PHC3: variants seen among roughly 807,000 people sequenced by gnomAD.
PHC3 encodes the protein polyhomeotic-like protein 3.
Under a neutral mutation model 107.4 loss-of-function variants are expected in PHC3, and 13 were observed. That is an observed-to-expected ratio of 0.12 (90% confidence interval 0.08 to 0.19). The LOEUF is 0.19. PHC3 is among the 10% of genes least tolerant of loss of function. PHC3 has a pLI of 1.00. For synonymous variants in PHC3, 456 were observed against 427.4 expected (o/e 1.07, Z -0.83); for missense variants, 992 against 1,210.9 (o/e 0.82, Z 2.68).
chr3:170,154,212 TATTAA>T (rs1388413646), intron 4 of PHC3, among the ~76,000 whole-genome samples: 35 of 152,246 alleles, frequency 2.3e-4, no homozygotes, highest in African/African-American at 8.4e-4. Context: ...TCAATAAGCT[TATTAA>T]GTTAATTAAT....
intron 12 of PHC3, among the ~76,000 whole-genome samples, chr3:170,105,191 C>T (rs1259119965): frequency 6.6e-6 from 1 of 152,134 alleles, no homozygotes. Flanking sequence ...AAAGGGAGTC[C>T]TTTCCCCAAA....
intron 11 of PHC3, among the ~76,000 whole-genome samples, chr3:170,109,493 T>C (rs1425990239): frequency 6.6e-6 from 1 of 152,194 alleles, no homozygotes; most frequent in Non-Finnish European, 1.5e-5. Flanking sequence ...CCTGGACTGA[T>C]CTTTGGGTTA....
At chr3:170,149,295 T>C (rs1725514228) in intron 4 of PHC3, 51 bp from the exon 5 acceptor site, 2 of 1,536,646 alleles carry the variant, frequency 1.3e-6, no homozygotes, top group Admixed American at 2.0e-5. Context: ...TGCTTCCATG[T>C]TACTGAATTT....
rs545255686 is a variant in PHC3, at chr3:170,148,904, T to A, written c.573+182A>T. 2.3e-4 allele frequency: 125 copies of A among 534,926 alleles called. 1 individual carries two copies. The highest frequency in any genetic ancestry group is 2.1e-3 in the African/African-American group (115 of 53,508). The allele number at this position is 534,926 out of a possible 1,614,324, so 33.1% of individuals were successfully genotyped here. On this transcript the variant is annotated intron_variant, in intron 5 of 14. Coordinates refer to ENST00000495893, the MANE Select transcript of PHC3 (RefSeq NM_024947.4). ...TACTATTTGATACCAAGAAGACCTA[T>A]TAATTAAAAGTAGAATCTTTCATGA... is the stretch of plus-strand genomic sequence containing the variant.
In PHC3 at chr3:170,136,458, C is replaced by T. The variant is rs1456155295; in HGVS notation, c.880G>A (p.Val294Ile). The stretch of plus-strand genomic sequence containing the variant: ...TGGTGAATACTTGATGTCCGGGTGA[C>T]AGCTGTGCTTCGTGATTCCAGGCTT... ...SPSLESRSTAVTRTSSIHQLI... is the reference protein window; with the variant it reads ...SPSLESRSTAITRTSSIHQLI... The change falls in exon 7 of 15, where the codon GTC becomes ATC. Residue 294 changes from valine to isoleucine, a missense_variant. Coordinates refer to ENST00000495893, the MANE Select transcript of PHC3 (RefSeq NM_024947.4). The T allele has an allele frequency of 6.2e-7, 1 of 1,605,342 alleles. No individual in the cohort carries two copies. Among genetic ancestry groups the T allele is most frequent in the East Asian group, 2.2e-5 (1 of 44,836 alleles).
chr3:170,102,329 C>T, intron 14 of PHC3, 150 bp downstream of exon 14: 2 of 1,448,246 alleles, frequency 1.4e-6, no homozygotes, highest in East Asian at 2.5e-5. Flanking sequence ...CAAGAGGAAA[C>T]AGATCATATT....
At chr3:170,174,741 C>T (rs1271321687) in intron 2 of PHC3, among the ~76,000 whole-genome samples, 1 of 152,204 alleles carries the variant, frequency 6.6e-6, no homozygotes, top group Non-Finnish European at 1.5e-5. Flanking sequence ...ACCTCTCCAA[C>T]TATAGACTAC....
chr3:170,156,586 C>A (rs1487262263), intron 4 of PHC3, among the ~76,000 whole-genome samples: 1 of 150,148 alleles, frequency 6.7e-6, no homozygotes, highest in Non-Finnish European at 1.5e-5. Flanking sequence ...GAAGAATTTT[C>A]TTTTTAAGAG....
intron 4 of PHC3, among the ~76,000 whole-genome samples, chr3:170,164,812 A>C (rs1728468896): frequency 6.6e-6 from 1 of 152,212 alleles, no homozygotes; most frequent in Non-Finnish European, 1.5e-5. Flanking sequence ...CCAAAGGACC[A>C]GGAAGGGCAC....
intron 4 of PHC3, among the ~76,000 whole-genome samples, chr3:170,168,080 T>C (rs1213849568): frequency 6.6e-6 from 1 of 152,074 alleles, no homozygotes; most frequent in Non-Finnish European, 1.5e-5. Context: ...GAGGATCACT[T>C]GAGCCTGGGA....
chr3:170,089,440 T>TTTAC lies in PHC3; in HGVS notation c.*7786_*7789dup, dbSNP rs1177170056. ...CCGTTCTACATTTAAAGGATGCCCT[T>TTTAC]TTACTATATATGTGCTTTCTAGAAT... On this transcript the variant is annotated 3_prime_UTR_variant, in exon 15 of 15. Transcript: ENST00000495893. The TTTAC allele has an allele frequency of 1.3e-5, 2 of 152,226 alleles. No individual in the cohort carries two copies. The highest frequency in any genetic ancestry group is 1.3e-4 in the Admixed American group (2 of 15,290). 9.4% of individuals were successfully genotyped at this position (152,226 alleles called of 1,614,324 possible). A position where few individuals can be genotyped will look rare whatever the true frequency, so the allele number is the denominator to read the frequency against.
intron 4 of PHC3, among the ~76,000 whole-genome samples, chr3:170,168,753 C>CAAAAAAAAAA: frequency 1.3e-5 from 1 of 77,082 alleles, no homozygotes; most frequent in Non-Finnish European, 2.5e-5. Context: ...GACTCCGTCT[C>CAAAAAAAAAA]AAAAAAAAAA....
At chr3:170,137,934 C>T (rs972322193) in intron 6 of PHC3, among the ~76,000 whole-genome samples, 1 of 152,030 alleles carries the variant, frequency 6.6e-6, no homozygotes, top group Admixed American at 6.5e-5. Context: ...GGGTGTGGTG[C>T]CTCGCACCTG....
intron 4 of PHC3, among the ~76,000 whole-genome samples, chr3:170,156,457 T>A (rs905384876): frequency 1.3e-5 from 2 of 151,976 alleles, no homozygotes; most frequent in African/African-American, 4.8e-5. Context: ...AGTTTCGCCA[T>A]GTTGGCCAGG....
In PHC3 at chr3:170,097,197, A is replaced by T; in HGVS notation, c.*33T>A. ...CTTACAAGTTTTTGTGAGAAAAGTA[A>T]AACTGCTGTTTTATCAAGGCTTCAT... On this transcript the variant is annotated 3_prime_UTR_variant, in exon 15 of 15. Coordinates refer to ENST00000495893, the MANE Select transcript of PHC3 (RefSeq NM_024947.4). The surrounding 1 kb of genome is among the most constrained non-coding windows in gnomAD (Gnocchi z 4.1). 1 of 1,564,754 alleles carries T rather than the reference A, an allele frequency of 6.4e-7. No homozygotes were observed. The highest frequency in any genetic ancestry group is 1.4e-5 in the African/African-American group (1 of 73,892).
Position 170,113,352 on chromosome 3 carries a change from C to T in PHC3, c.2353+8G>A. On this transcript the variant is annotated splice_region_variant and intron_variant, in intron 11 of 14. Transcript: ENST00000495893. ...AATTAAAGGGTATCTTAAGTGAAAC[C>T]CACAAACCTTCAGCAATCATGTCTT... 1 of 1,596,450 alleles carries T rather than the reference C, an allele frequency of 6.3e-7. No individual in the cohort carries two copies. Among genetic ancestry groups the T allele is most frequent in the Non-Finnish European group, 8.5e-7 (1 of 1,172,130 alleles).
chr3:170,155,998 T>C (rs1726837666), intron 4 of PHC3, among the ~76,000 whole-genome samples: 2 of 152,246 alleles, frequency 1.3e-5, no homozygotes, highest in African/African-American at 4.8e-5. Context: ...CTTACCTTAG[T>C]ATATTAATTT....
chr3:170,159,107 A>C (rs968042458), intron 4 of PHC3, among the ~76,000 whole-genome samples: 3 of 151,504 alleles, frequency 2.0e-5, no homozygotes, highest in Non-Finnish European at 4.4e-5. Context: ...AAAAATTAGC[A>C]GGGCGTGGTG....
chr3:170,132,452 G>GTGTATTTGTAGA (rs566676888), intron 7 of PHC3, among the ~76,000 whole-genome samples: 78 of 152,334 alleles, frequency 5.1e-4, no homozygotes, highest in African/African-American at 1.9e-3. Context: ...AACTCCCAAT[G>GTGTATTTGTAGA]TGTATTTGTA....
Sources: gnomAD v4.1 joint callset for allele counts (sites outside exome capture counted in the v4.1 genomes callset) on GRCh38, gnomAD v4.1.1 for gene constraint, Gnocchi (gnomAD v3.1) non-coding constraint, MANE v1.5 for transcripts, NCBI Gene and HGNC (gene_info 2026-07-23, HGNC 2026-07-21) for gene names.